The following EDA variants were observed in gnomAD, a reference collection of about 807,000 sequenced individuals.
The protein encoded by EDA is ectodysplasin A, also known as ectodysplasin-A.
EDA carries 2 observed loss-of-function variants against 23.6 expected under a neutral mutation model. That is an observed-to-expected ratio of 0.08 (90% CI 0.03 to 0.27). EDA has a LOEUF of 0.27. EDA is among the 10% of genes least tolerant of loss of function. The probability of loss-of-function intolerance (pLI) is 1.00; values close to 1 mark genes in which losing one functional copy is unlikely to be tolerated. For synonymous variants in EDA, 131 were observed against 132.0 expected, an observed-to-expected ratio of 0.99 and a Z score of 0.05; for missense variants, 229 against 324.2, an observed-to-expected ratio of 0.71 and a Z score of 2.26.
chrX:69,670,430 A>T, intron 1 of EDA: 2 of 293,922 alleles, frequency 6.8e-6, no homozygotes, highest in East Asian at 4.8e-5. Context: ...GTGAATCTGG[A>T]TGTTGATATC....
intron 1 of EDA, among the ~76,000 whole-genome samples, chrX:69,706,381 G>T (rs1039629527): frequency 1.8e-5 from 2 of 111,919 alleles, no homozygotes; most frequent in African/African-American, 6.5e-5. Flanking sequence ...AAGCAAAAAG[G>T]TTAATAAATT....
intron 1 of EDA, among the ~76,000 whole-genome samples, chrX:69,922,656 G>A (rs2018452814): frequency 8.9e-6 from 1 of 111,939 alleles, no homozygotes; most frequent in African/African-American, 3.2e-5. Flanking sequence ...TGCTTTCAAA[G>A]TGTTAGGCTT....
chrX:69,736,028 T>G (rs1216980810), intron 1 of EDA, among the ~76,000 whole-genome samples: 2 of 108,553 alleles, frequency 1.8e-5, no homozygotes, highest in Non-Finnish European at 1.9e-5. Context: ...AAAAATAGGC[T>G]GGGCGTGGTG....
intron 2 of EDA, among the ~76,000 whole-genome samples, chrX:70,015,724 G>A (rs962013144): frequency 9.9e-5 from 11 of 111,615 alleles, no homozygotes; most frequent in African/African-American, 3.3e-4. Context: ...TTAAGGGAGT[G>A]GTAAATATGG....
Position 69,828,075 on chromosome X carries a change from G to A in EDA, c.397-128952G>A, listed in dbSNP as rs576892212. On this transcript the variant is annotated intron_variant, in intron 1 of 7. Transcript: ENST00000374552. ...TGCCCGTTCTCAGATCTCCAGCTGC[G>A]TGCTGGGAGAACCACTGCTCTCTTC... is the stretch of plus-strand genomic sequence containing the variant. Among the ~76,000 whole-genome samples the A allele has an allele frequency of 4.0e-4, 44 of 110,469 alleles. No homozygotes were observed. The South Asian group carries it at 8.6e-3, about 22-fold the overall frequency.
At chrX:69,784,009 T>C (rs1166265045) in intron 1 of EDA, among the ~76,000 whole-genome samples, 1 of 108,756 alleles carries the variant, frequency 9.2e-6, no homozygotes, top group Non-Finnish European at 1.9e-5. Flanking sequence ...TGGTATGTCA[T>C]TGTGGTTTTG....
intron 1 of EDA, among the ~76,000 whole-genome samples, chrX:69,741,060 G>A (rs1366472304): frequency 9.2e-6 from 1 of 108,843 alleles, no homozygotes; most frequent in Admixed American, 9.9e-5. Context: ...TGTATTATTG[G>A]GATTCTGTAT....
At chrX:70,019,945 T>A (rs2020006594) in intron 2 of EDA, among the ~76,000 whole-genome samples, 1 of 112,107 alleles carries the variant, frequency 8.9e-6, no homozygotes, top group Admixed American at 9.4e-5. Flanking sequence ...GTACTCTTCA[T>A]GTCATGGGCA....
intron 2 of EDA, among the ~76,000 whole-genome samples, chrX:69,999,128 T>C (rs756269924): frequency 9.0e-6 from 1 of 111,714 alleles, no homozygotes; most frequent in African/African-American, 3.3e-5. Context: ...GGAAAACAGA[T>C]AAGAAGAGAT....
chrX:69,697,989 C>T (rs2011411493), intron 1 of EDA, among the ~76,000 whole-genome samples: 1 of 111,677 alleles, frequency 9.0e-6, no homozygotes, highest in African/African-American at 3.3e-5. Context: ...GGAGCATTTC[C>T]AGGGCTGGGG....
chrX:69,656,679 T>C (rs1330847071), intron 1 of EDA, among the ~76,000 whole-genome samples: 2 of 111,350 alleles, frequency 1.8e-5, no homozygotes, highest in Non-Finnish European at 1.9e-5. Flanking sequence ...GTCCCCAGTG[T>C]CTATTGTGGC....
chrX:69,698,908 C>T (rs759106192), intron 1 of EDA, among the ~76,000 whole-genome samples: 11 of 111,250 alleles, frequency 9.9e-5, no homozygotes, highest in East Asian at 5.7e-4. Context: ...GTTTGTGTGA[C>T]GACATTTGCA....
At chrX:70,014,543 A>G (rs981105597) in intron 2 of EDA, among the ~76,000 whole-genome samples, 3 of 112,025 alleles carry the variant, frequency 2.7e-5, no homozygotes, top group African/African-American at 9.8e-5. Flanking sequence ...CTTACATCCA[A>G]ATGAATGTAC....
intron 1 of EDA, among the ~76,000 whole-genome samples, chrX:69,887,036 C>A (rs1316340087): frequency 1.8e-5 from 2 of 112,108 alleles, no homozygotes; most frequent in Non-Finnish European, 3.8e-5. Flanking sequence ...CTACAAATTA[C>A]CTGACAGAAT....
chrX:69,839,525 TGCCTTGTC>T (rs2016851625), intron 1 of EDA, among the ~76,000 whole-genome samples: 1 of 112,674 alleles, frequency 8.9e-6, no homozygotes, highest in African/African-American at 3.2e-5. Flanking sequence ...CTTACTCCTC[TGCCTTGTC>T]ACAAGAGTAA....
At chrX:69,693,476 G>T (rs1225766662) in intron 1 of EDA, among the ~76,000 whole-genome samples, 1 of 111,422 alleles carries the variant, frequency 9.0e-6, no homozygotes, top group Non-Finnish European at 1.9e-5. Context: ...ATTCCTCTCA[G>T]TAAAACTTCA....
intron 1 of EDA, among the ~76,000 whole-genome samples, chrX:69,681,177 C>T (rs1341320374): frequency 4.5e-5 from 5 of 111,685 alleles, no homozygotes; most frequent in Non-Finnish European, 3.8e-5. Context: ...TGTAGAGTTT[C>T]TGCGGAGAGA....
chrX:69,957,227 C>A, intron 2 of EDA, 95 bp downstream of exon 2: 2 of 876,924 alleles, frequency 2.3e-6, no homozygotes, highest in South Asian at 2.1e-5. Context: ...CATGGTGGCT[C>A]ACGCCTGTAA....
chrX:69,963,974 A>G (rs1163307574), intron 2 of EDA, among the ~76,000 whole-genome samples: 1 of 112,008 alleles, frequency 8.9e-6, no homozygotes, highest in South Asian at 3.8e-4. Flanking sequence ...CTGCTTATAA[A>G]GTTAAGACAT....
Sources: gnomAD v4.1 joint callset for allele counts (sites outside exome capture counted in the v4.1 genomes callset) on GRCh38, gnomAD v4.1.1 for gene constraint, MANE v1.5 for transcripts, NCBI Gene and HGNC (gene_info 2026-07-23, HGNC 2026-07-21) for gene names.